The following BRD1 variants were observed in gnomAD, a reference collection of about 807,000 sequenced individuals.
BRD1 encodes bromodomain-containing protein 1.
Under a neutral mutation model 107.7 loss-of-function variants are expected in BRD1, and 24 were observed. That is an observed-to-expected ratio of 0.22 (90% CI 0.16 to 0.31). BRD1 has a LOEUF of 0.31. Ranked by LOEUF, BRD1 falls within the 10% of genes least tolerant of loss-of-function variation. BRD1 has a pLI of 1.00. For missense variants in BRD1, 1,279 were observed against 1,638.6 expected, an observed-to-expected ratio of 0.78 and a Z score of 3.79; for synonymous variants, 744 against 686.1, an observed-to-expected ratio of 1.08 and a Z score of -1.32.
intron 4 of BRD1, 83 bp downstream of exon 4, chr22:49,798,905 C>T: frequency 2.0e-6 from 3 of 1,513,168 alleles, no homozygotes; most frequent in Non-Finnish European, 2.6e-6. Context: ...CCGGGTGCAG[C>T]CCACCCTCTG....
In BRD1 at chr22:49,787,834, T is replaced by C; in HGVS notation, c.2413A>G (p.Asn805Asp). 5 of 1,550,478 alleles carry C rather than the reference T, an allele frequency of 3.2e-6. No homozygotes were observed. The highest frequency in any genetic ancestry group is 2.4e-5 in the East Asian group (1 of 40,920). ...EPSDALPLPS[N>D]SETNSEPPTL... is the part of the protein sequence containing the mutation. The stretch of plus-strand genomic sequence containing the variant: ...GGTGGTTCTGAATTAGTCTCCGAGT[T>C]TGAAGGAAGAGGTAATGCATCTGAT... The change falls in exon 8 of 13, where the codon AAC (asparagine) becomes GAC (aspartate). Residue 805 changes from asparagine to aspartate, a missense_variant. This residue lies in a region of BRD1 where 406 missense variants were observed against 519.4 expected (regional missense o/e 0.78). Coordinates refer to ENST00000404760, the MANE Select transcript of BRD1 (RefSeq NM_001304808.3).
rs1167752483 is a variant in BRD1 at position 49,775,678 on chromosome 22, A to G, written c.3299T>C (p.Leu1100Pro). 6.2e-7 allele frequency: 1 copy of G among 1,613,830 alleles called. No individual in the cohort carries two copies. The highest frequency in any genetic ancestry group is 2.2e-5 in the East Asian group (1 of 44,878). ...HNGVTIPAPP[L>P]DVLKIGEHMQ... ...GTGCTCCCCAATCTTCAGCACGTCC[A>G]GGGGTGGGGCCGGGATGGTGACGCC... is the stretch of plus-strand genomic sequence containing the variant. Residue 1100 changes from leucine to proline, a missense_variant, in exon 12 of 13, where the codon CTG becomes CCG. Physicochemically the swap from Leu to Pro is moderately conservative, Grantham distance 98. Around this residue, in one of 7 missense-constraint regions of BRD1, gnomAD observed 136 missense variants for 196.8 expected, o/e 0.69. Coordinates refer to ENST00000404760, the MANE Select transcript of BRD1 (RefSeq NM_001304808.3).
intron 2 of BRD1, among the ~76,000 whole-genome samples, chr22:49,819,386 C>T (rs1459807818): frequency 6.6e-6 from 1 of 151,724 alleles, no homozygotes; most frequent in Admixed American, 6.6e-5. Context: ...GACCCCATCT[C>T]ACCAAAAAAT....
intron 7 of BRD1, among the ~76,000 whole-genome samples, chr22:49,791,492 A>C (rs981055918): frequency 6.6e-6 from 1 of 152,222 alleles, no homozygotes; most frequent in Non-Finnish European, 1.5e-5. Context: ...CAGGTGTGAA[A>C]ATATTGTGGT....
intron 8 of BRD1, among the ~76,000 whole-genome samples, chr22:49,778,956 C>T (rs1023675577): frequency 1.3e-5 from 2 of 152,216 alleles, no homozygotes; most frequent in South Asian, 2.1e-4. Context: ...CCATGACACC[C>T]GGCCATGTGA....
intron 7 of BRD1, among the ~76,000 whole-genome samples, chr22:49,790,975 G>A (rs186843557): frequency 3.1e-4 from 47 of 152,350 alleles, no homozygotes; most frequent in African/African-American, 8.2e-4. Context: ...CCAAGGACTC[G>A]AAATGCAAGC....
At position 49,798,697 on chromosome 22, in the gene BRD1, C is replaced by T. The variant is rs753016202; in HGVS notation, c.1657-11G>A. 6 of 1,587,718 alleles carry T rather than the reference C, an allele frequency of 3.8e-6. No homozygotes were observed. The highest frequency in any genetic ancestry group is 5.1e-6 in the Non-Finnish European group (6 of 1,168,636). The stretch of plus-strand genomic sequence containing the variant: ...CTGCTCCACCTTCACCTGGGGGGGC[C>T]CAGCAGAGCCTCAGCTTTAGGGAGC... On this transcript the variant is annotated splice_polypyrimidine_tract_variant and intron_variant, in intron 4 of 12. Transcript: ENST00000404760.
intron 2 of BRD1, among the ~76,000 whole-genome samples, chr22:49,819,465 G>A (rs1435703189): frequency 2.0e-5 from 3 of 152,026 alleles, no homozygotes; most frequent in Non-Finnish European, 4.4e-5. Context: ...AGGTGGGGGA[G>A]TCGCTTGAGC....
intron 2 of BRD1, 128 bp from the exon 3 acceptor site, chr22:49,804,488 C>G (rs1396270289): frequency 9.6e-6 from 10 of 1,046,718 alleles, no homozygotes; most frequent in Non-Finnish European, 1.3e-5. Context: ...AGCCATGACA[C>G]CTGTATTTCT....
chr22:49,821,828 G>A (rs2060072414), intron 2 of BRD1, among the ~76,000 whole-genome samples: 1 of 152,190 alleles, frequency 6.6e-6, no homozygotes, highest in Admixed American at 6.5e-5. Flanking sequence ...GTGGTACTGG[G>A]GCTCTAGGCG....
rs573808799 is a variant in BRD1, at chr22:49,801,840, G to A, written c.1524+2364C>T. On this transcript the variant is annotated intron_variant, in intron 3 of 12. Transcript: ENST00000404760. Reference sequence around the variant, plus strand: ...CCCTTCCCTTGCCTGGCTCCACCACGCCCCAGGCCACCCCCAGCTGCCTGG... The same window carrying A: ...CCCTTCCCTTGCCTGGCTCCACCACACCCCAGGCCACCCCCAGCTGCCTGG... Among the ~76,000 whole-genome samples the A allele has an allele frequency of 8.5e-5, 13 of 152,174 alleles. No homozygotes were observed. The East Asian group carries it at 2.5e-3, about 29-fold the overall frequency.
chr22:49,775,944 T>C, intron 11 of BRD1, 106 bp downstream of exon 11: 1 of 1,007,908 alleles, frequency 9.9e-7, no homozygotes, highest in Non-Finnish European at 1.4e-6. Flanking sequence ...CCCCGCCAGC[T>C]GTGGAACCTC....
At chr22:49,798,258 C>T (rs1226514670) in intron 5 of BRD1, 141 bp from the exon 6 acceptor site, 1 of 994,530 alleles carries the variant, frequency 1.0e-6, no homozygotes, top group Non-Finnish European at 1.4e-6. Flanking sequence ...GACATAAGAC[C>T]CAAGTACTGC....
chr22:49,788,061 T>C (rs1299146213), intron 7 of BRD1, among the ~76,000 whole-genome samples, 174 bp from the exon 8 acceptor site: 12 of 152,230 alleles, frequency 7.9e-5, no homozygotes, highest in Non-Finnish European at 8.8e-5. Flanking sequence ...ACACTGTGTG[T>C]GCTTCCCTAA....
At chr22:49,795,373 T>C (rs528307524) in intron 6 of BRD1, among the ~76,000 whole-genome samples, 1 of 152,166 alleles carries the variant, frequency 6.6e-6, no homozygotes, top group African/African-American at 2.4e-5. Context: ...CTGGCTCACC[T>C]GTGCACTCCC....
intron 2 of BRD1, among the ~76,000 whole-genome samples, chr22:49,810,439 AC>A (rs1354576644): frequency 6.6e-6 from 1 of 152,244 alleles, no homozygotes; most frequent in Non-Finnish European, 1.5e-5. Context: ...CTTACATGTG[AC>A]ACCAAAAGCA....
In BRD1 at chr22:49,824,747, GCA is replaced by G; in HGVS notation, c.-14-418_-14-417del. The G allele has an allele frequency of 9.6e-7, 1 of 1,040,092 alleles. No individual in the cohort carries two copies. The highest frequency in any genetic ancestry group is 3.6e-5 in the South Asian group (1 of 27,620). The allele number at this position is 1,040,092 out of a possible 1,614,324, so 64.4% of individuals were successfully genotyped here. A position where few individuals can be genotyped will look rare whatever the true frequency, so the allele number is the denominator to read the frequency against. ...CACATACAGGGCTGGACCCCACCAGGCACAGAGGCTATGCCCACCAGACAGGC... is the reference window on the plus strand; with the variant it reads ...CACATACAGGGCTGGACCCCACCAGGCAGAGGCTATGCCCACCAGACAGGC... On this transcript the variant is annotated intron_variant, in intron 1 of 12. Transcript: ENST00000404760. This position sits in a 1 kb window ranked among gnomAD's most constrained non-coding sequence, Gnocchi z 5.9.
chr22:49,790,302 T>C (rs2059409414), intron 7 of BRD1, among the ~76,000 whole-genome samples: 1 of 152,058 alleles, frequency 6.6e-6, no homozygotes. Flanking sequence ...AACCCGTCCC[T>C]CGAGTGGAAA....
chr22:49,794,232 G>T lies in BRD1; in HGVS notation c.2161C>A (p.Leu721Met). The stretch of plus-strand genomic sequence containing the variant: ...CAGGTGAGGTCGAGCATGTCCAGCA[G>T]CTCTCTCAGCTGCTCCTCCAGGCCC... Reference protein sequence around the residue: ...HLGLEEQLRELLDMLDLTCAM... With the variant: ...HLGLEEQLREMLDMLDLTCAM... The change falls in exon 7 of 13, where the codon CTG becomes ATG. Residue 721 changes from leucine to methionine, a missense_variant. Around this residue, in one of 7 missense-constraint regions of BRD1, gnomAD observed 406 missense variants for 519.4 expected, o/e 0.78. Transcript: ENST00000404760. The T allele has an allele frequency of 6.2e-7, 1 of 1,614,056 alleles. No homozygotes were observed.
Sources: gnomAD v4.1 joint callset for allele counts (sites outside exome capture counted in the v4.1 genomes callset) on GRCh38, gnomAD v4.1.1 for gene constraint, gnomAD v4.1.1 regional missense constraint, Gnocchi (gnomAD v3.1) non-coding constraint, MANE v1.5 for transcripts, NCBI Gene and HGNC (gene_info 2026-07-23, HGNC 2026-07-21) for gene names.